The following DMD variants were observed in gnomAD, a reference collection of about 807,000 sequenced individuals.
DMD encodes the protein dystrophin.
In DMD, 63 loss-of-function variants were observed where a neutral mutation model predicts 330.1. The ratio of observed to expected loss-of-function variants is 0.19; its 90% confidence interval spans 0.16 to 0.24. DMD has a LOEUF of 0.24. Among genes scored for constraint, DMD ranks in the 10% least tolerant of loss-of-function variants. The probability of loss-of-function intolerance (pLI) is 1.00; values close to 1 mark genes in which losing one functional copy is unlikely to be tolerated. For synonymous variants in DMD, 1,223 were observed against 959.8 expected (o/e 1.27, Z -5.07); for missense variants, 3,344 against 2,684.1 (o/e 1.25, Z -5.43).
At chrX:32,902,249 T>C (rs1329114954) in intron 2 of DMD, among the ~76,000 whole-genome samples, 2 of 107,429 alleles carry the variant, frequency 1.9e-5, no homozygotes, top group African/African-American at 6.9e-5. Flanking sequence ...TCAGGTAAAA[T>C]GTCCTGTAAA....
intron 2 of DMD, among the ~76,000 whole-genome samples, chrX:32,958,466 G>C (rs2091720646): frequency 9.0e-6 from 1 of 110,695 alleles, no homozygotes; most frequent in African/African-American, 3.3e-5. Flanking sequence ...CCTAACACAA[G>C]TTCCTCCCAT....
chrX:31,827,780 C>G lies in DMD; in HGVS notation c.7201-7697G>C, dbSNP rs779325846. Among the ~76,000 whole-genome samples the G allele has an allele frequency of 9.8e-5, 11 of 111,686 alleles. No individual in the cohort carries two copies. The South Asian group carries it at 4.1e-3, about 42-fold the overall frequency. On this transcript the variant is annotated intron_variant, in intron 49 of 78. Transcript: ENST00000357033. ...TCCAAAAGGAACCCTCAAAACTATACAAACACATGGAAATTAAGAAATCTG... is the reference window on the plus strand; with the variant it reads ...TCCAAAAGGAACCCTCAAAACTATAGAAACACATGGAAATTAAGAAATCTG...
chrX:32,320,546 T>C (rs187986565), intron 41 of DMD, among the ~76,000 whole-genome samples: 360 of 111,605 alleles, frequency 3.2e-3, no homozygotes, highest in Non-Finnish European at 5.4e-3. Flanking sequence ...GAAAGTTCTA[T>C]AGGACAGTGC....
intron 44 of DMD, among the ~76,000 whole-genome samples, chrX:32,209,331 G>C (rs969221247): frequency 9.0e-6 from 1 of 110,892 alleles, no homozygotes; most frequent in African/African-American, 3.3e-5. Context: ...TATATAAAGG[G>C]AAGTGTACAA....
intron 7 of DMD, among the ~76,000 whole-genome samples, chrX:32,706,275 C>G (rs1243867604): frequency 2.9e-5 from 3 of 103,163 alleles, no homozygotes; most frequent in Non-Finnish European, 6.0e-5. Context: ...GGAGATATAC[C>G]TAATGCGAAA....
At chrX:33,155,180 T>C (rs187554234) in intron 1 of DMD, among the ~76,000 whole-genome samples, 1 of 111,991 alleles carries the variant, frequency 8.9e-6, no homozygotes, top group Admixed American at 9.5e-5. Flanking sequence ...CTCTGAAAAA[T>C]GAATGCCTTT....
At chrX:32,935,648 C>A (rs182415865) in intron 2 of DMD, among the ~76,000 whole-genome samples, 155 of 111,319 alleles carry the variant, frequency 1.4e-3, no homozygotes, top group Non-Finnish European at 1.6e-3. Flanking sequence ...TTCTTTAATC[C>A]TTTTTGCGCT....
intron 7 of DMD, among the ~76,000 whole-genome samples, chrX:32,712,447 A>G (rs1383406351): frequency 3.6e-5 from 4 of 111,974 alleles, no homozygotes; most frequent in South Asian, 7.4e-4. Context: ...GTAAAATTAC[A>G]TATTTTGAAA....
intron 1 of DMD, among the ~76,000 whole-genome samples, chrX:33,034,135 T>A (rs1160547396): frequency 9.0e-6 from 1 of 111,138 alleles, no homozygotes; most frequent in Non-Finnish European, 1.9e-5. Flanking sequence ...TATATGCATG[T>A]GTATAATTTT....
At chrX:32,503,699 G>GCA (rs2044308838) in intron 18 of DMD, among the ~76,000 whole-genome samples, 1 of 110,171 alleles carries the variant, frequency 9.1e-6, no homozygotes, top group Non-Finnish European at 1.9e-5. Context: ...GGGATTACAG[G>GCA]CGTGCACCAC....
intron 20 of DMD, among the ~76,000 whole-genome samples, chrX:32,488,776 A>G (rs2042716763): frequency 9.0e-6 from 1 of 111,327 alleles, no homozygotes; most frequent in African/African-American, 3.3e-5. Flanking sequence ...AGACCAAGAT[A>G]CTAGCAGGTC....
intron 6 of DMD, among the ~76,000 whole-genome samples, chrX:32,813,663 C>A (rs753613955): frequency 9.9e-5 from 11 of 111,561 alleles, no homozygotes; most frequent in African/African-American, 2.9e-4. Flanking sequence ...GCCAAAAACA[C>A]CTATCTTTAC....
chrX:31,449,762 T>TGAGA (rs201547083), intron 59 of DMD, among the ~76,000 whole-genome samples: 1 of 49,875 alleles, frequency 2.0e-5, no homozygotes, highest in African/African-American at 7.0e-5. Context: ...ATAAATGGTG[T>TGAGA]GATATATATA....
intron 44 of DMD, among the ~76,000 whole-genome samples, chrX:32,027,283 T>TA (rs2095853795): frequency 9.1e-6 from 1 of 110,018 alleles, no homozygotes. Flanking sequence ...CTCTAGCATC[T>TA]AAGTAAATAG....
Position 31,444,491 on chromosome X carries a change from T to C in DMD, c.9074A>G (p.Lys3025Arg), listed in dbSNP as rs778961643. Residue 3025 changes from lysine (K) to arginine (R), a missense_variant, in exon 60 of 79, where the codon AAG (lysine) becomes AGG (arginine). By Grantham distance (26) the Lys-to-Arg change is conservative (BLOSUM62 2). Coordinates refer to ENST00000357033, the MANE Select transcript of DMD (RefSeq NM_004006.3). ...TTACAATGTGCTTACCTGCAGAAGC[T>C]TCCATCTGGTGTTCAGGTCTTCCAG... The part of the protein sequence containing the change: ...STLEDLNTRW[K>R]LLQVAVEDRV... 1 of 1,210,049 alleles carries C rather than the reference T, an allele frequency of 8.3e-7. No homozygotes were observed. Among genetic ancestry groups the C allele is most frequent in the African/African-American group, 1.7e-5 (1 of 57,195 alleles).
intron 44 of DMD, among the ~76,000 whole-genome samples, chrX:31,972,926 T>C (rs1261911094): frequency 8.9e-6 from 1 of 111,742 alleles, no homozygotes; most frequent in Non-Finnish European, 1.9e-5. Context: ...TTCAGGAGTT[T>C]GATATACAGT....
At chrX:32,031,143 A>AG (rs78095294) in intron 44 of DMD, among the ~76,000 whole-genome samples, 6 of 110,695 alleles carry the variant, frequency 5.4e-5, no homozygotes, top group Non-Finnish European at 9.5e-5. Flanking sequence ...AAGTTCAATC[A>AG]GGGGGTCCTG....
At chrX:33,193,815 A>G (rs1457785842) in intron 1 of DMD, among the ~76,000 whole-genome samples, 1 of 111,548 alleles carries the variant, frequency 9.0e-6, no homozygotes, top group East Asian at 2.8e-4. Context: ...TCATCATCTA[A>G]TGGTTTGAAA....
chrX:32,027,236 G>C (rs192889266), intron 44 of DMD, among the ~76,000 whole-genome samples: 4 of 109,590 alleles, frequency 3.6e-5, no homozygotes, highest in African/African-American at 1.3e-4. Flanking sequence ...GAGAGAGAGA[G>C]AGAGACTTTC....
Sources: allele counts gnomAD v4.1 joint callset (sites outside exome capture counted in the v4.1 genomes callset), GRCh38; gene constraint gnomAD v4.1.1; transcripts MANE v1.5; gene names NCBI Gene and HGNC (gene_info 2026-07-23, HGNC 2026-07-21).